Variants in RPL24 observed in about 807,000 individuals in gnomAD.
RPL24 encodes ribosomal protein L24.
RPL24 carries 7 observed loss-of-function variants against 26.4 expected under a neutral mutation model. The observed-to-expected ratio is 0.27, with a 90% CI of 0.15 to 0.50. The LOEUF (loss-of-function observed/expected upper bound fraction) is 0.50. Among genes scored for constraint, RPL24 ranks in the 20% least tolerant of loss-of-function variants. RPL24 has a pLI of 0.98. For synonymous variants in RPL24, 67 were observed against 65.2 expected, an observed-to-expected ratio of 1.03 and a Z score of -0.13; for missense variants, 109 against 194.9, an observed-to-expected ratio of 0.56 and a Z score of 2.62.
chr3:101,682,142 A>C (rs1393987736), intron 5 of RPL24: 1 of 319,006 alleles, frequency 3.1e-6, no homozygotes, highest in African/African-American at 2.1e-5. Context: ...ACCTGAGGTC[A>C]AGAGTTCAAG....
chr3:101,686,707 G>T lies in RPL24; in HGVS notation c.-31C>A. ...CAGCTCCACGGAAAGACAAAAGATG[G>T]CGAAAAGAAAGAGAGAATCATGGGA... On this transcript the variant is annotated 5_prime_UTR_variant, in exon 1 of 6. Transcript: ENST00000394077. 1 of 1,614,076 alleles carries T rather than the reference G, an allele frequency of 6.2e-7. No homozygotes were observed. Among genetic ancestry groups the T allele is most frequent in the Non-Finnish European group, 8.5e-7 (1 of 1,179,968 alleles).
At chr3:101,686,592 G>GTCTA in intron 1 of RPL24, 35 bp from the exon 2 acceptor site, 1 of 1,613,954 alleles carries the variant, frequency 6.2e-7, no homozygotes, top group Non-Finnish European at 8.5e-7. Context: ...CAGGGAGGGT[G>GTCTA]TCTACAGCCA....
intron 3 of RPL24, among the ~76,000 whole-genome samples, chr3:101,684,444 A>G (rs1937304615): frequency 6.6e-6 from 1 of 152,166 alleles, no homozygotes; most frequent in Non-Finnish European, 1.5e-5. Context: ...CTGGGATTAC[A>G]GGCATGTAAG....
chr3:101,683,913 T>C lies in RPL24; in HGVS notation c.193-1006A>G, dbSNP rs569724119. On this transcript the variant is annotated intron_variant, in intron 3 of 5. Transcript: ENST00000394077. ...TTTTAGTAGAAACCGGGTTCCACCA[T>C]GTTGCCCAGGCTGGTCTCTAACGCC... Among the ~76,000 whole-genome samples the C allele has an allele frequency of 2.3e-3, 353 of 152,248 alleles. 1 individual carries two copies. The highest frequency in any genetic ancestry group is 2.6e-3 in the Non-Finnish European group (179 of 68,006).
chr3:101,684,167 CTTTTT>C (rs930501770), intron 3 of RPL24, among the ~76,000 whole-genome samples: 3 of 138,142 alleles, frequency 2.2e-5, no homozygotes, highest in Admixed American at 7.2e-5. Context: ...CCCATTTTAA[CTTTTT>C]TTTTTTTTTT....
chr3:101,681,212 G>C lies in RPL24; in HGVS notation c.397C>G (p.Pro133Ala). The change falls in exon 6 of 6, where the codon CCT (proline) becomes GCT (alanine). Residue 133 changes from proline to alanine, a missense_variant. By Grantham distance (27) the Pro-to-Ala change is conservative. Coordinates refer to ENST00000394077, the MANE Select transcript of RPL24 (RefSeq NM_000986.4). Reference protein sequence around the residue: ...KKTAMAAAKAPTKAAPKQKIV... With the variant: ...KKTAMAAAKAATKAAPKQKIV... Reference sequence around the variant, plus strand: ...TTTTGCTTAGGTGCTGCCTTTGTAGGTGCCTGTAAAAAGATAACACAATAT... The same window carrying C: ...TTTTGCTTAGGTGCTGCCTTTGTAGCTGCCTGTAAAAAGATAACACAATAT... The C allele has an allele frequency of 6.2e-7, 1 of 1,611,988 alleles. No individual in the cohort carries two copies. Among genetic ancestry groups the C allele is most frequent in the Non-Finnish European group, 8.5e-7 (1 of 1,178,188 alleles).
chr3:101,686,176 CCTT>C, intron 2 of RPL24: 1 of 573,592 alleles, frequency 1.7e-6, no homozygotes. Context: ...GGTGGTGCGT[CCTT>C]CTGGGAAGCA....
chr3:101,681,539 T>C (rs1217232822), intron 5 of RPL24: 2 of 245,296 alleles, frequency 8.2e-6, no homozygotes, highest in Non-Finnish European at 1.6e-5. Context: ...CTCAATGTTA[T>C]CAATGTAGAT....
rs1559993824 is a variant in RPL24, at chr3:101,686,478, T to C, written c.81+4A>G. 6.2e-7 allele frequency: 1 copy of C among 1,613,636 alleles called. No individual in the cohort carries two copies. The highest frequency in any genetic ancestry group is 2.2e-5 in the East Asian group (1 of 44,884). ...AGGTAGGTGAAGCCGACGCGGCTTT[T>C]TACCTTCCCGTCGGTCCTGGCGTAG... is the stretch of plus-strand genomic sequence containing the variant. On this transcript the variant is annotated splice_donor_region_variant and intron_variant, in intron 2 of 5. Coordinates refer to ENST00000394077, the MANE Select transcript of RPL24 (RefSeq NM_000986.4).
chr3:101,681,221 A>G lies in RPL24; in HGVS notation c.394-6T>C. On this transcript the variant is annotated splice_polypyrimidine_tract_variant and splice_region_variant and intron_variant, in intron 5 of 5. Transcript: ENST00000394077. ...GGTGCTGCCTTTGTAGGTGCCTGTA[A>G]AAAGATAACACAATATTACTCCACA... The G allele has an allele frequency of 6.2e-7, 1 of 1,606,294 alleles. No homozygotes were observed. Among genetic ancestry groups the G allele is most frequent in the Non-Finnish European group, 8.5e-7 (1 of 1,172,934 alleles).
chr3:101,684,072 C>G (rs981816910), intron 3 of RPL24, among the ~76,000 whole-genome samples: 1 of 152,034 alleles, frequency 6.6e-6, no homozygotes, highest in African/African-American at 2.4e-5. Flanking sequence ...AGGTTGGTTT[C>G]AAACTCCTGG....
Position 101,681,216 on chromosome 3 carries a change from C to A in RPL24, c.394-1G>T. The stretch of plus-strand genomic sequence containing the variant: ...GCTTAGGTGCTGCCTTTGTAGGTGC[C>A]TGTAAAAAGATAACACAATATTACT... On this transcript the variant is annotated splice_acceptor_variant, in intron 5 of 5. Coordinates refer to ENST00000394077, the MANE Select transcript of RPL24 (RefSeq NM_000986.4). LOFTEE classifies it high-confidence loss of function. 1 of 1,610,674 alleles carries A rather than the reference C, an allele frequency of 6.2e-7. No homozygotes were observed. The highest frequency in any genetic ancestry group is 8.5e-7 in the Non-Finnish European group (1 of 1,177,004).
In RPL24 at chr3:101,685,892, A is replaced by G; in HGVS notation, c.118T>C (p.Phe40Leu). 1 of 1,614,068 alleles carries G rather than the reference A, an allele frequency of 6.2e-7. No homozygotes were observed. Among genetic ancestry groups the G allele is most frequent in the Non-Finnish European group, 8.5e-7 (1 of 1,179,912 alleles). Residue 40 changes from phenylalanine to leucine, a missense_variant, in exon 3 of 6, where the codon TTC becomes CTC. By Grantham distance (22) the Phe-to-Leu change is conservative. Coordinates refer to ENST00000394077, the MANE Select transcript of RPL24 (RefSeq NM_000986.4). ...TGCCGAGGATTCCTCTTGGAAAGGA[A>G]AGCCGACTCGCATTTCGCATTAAGA... ...QFLNAKCESA[F>L]LSKRNPRQIN...
rs1345576732 is a variant in RPL24, at chr3:101,681,098, A to G, written c.*37T>C. The G allele has an allele frequency of 2.7e-6, 4 of 1,458,468 alleles. No homozygotes were observed. The East Asian group carries it at 9.1e-5, about 33-fold the overall frequency. 90.3% of individuals were successfully genotyped at this position (1,458,468 alleles called of 1,614,324 possible). On this transcript the variant is annotated 3_prime_UTR_variant, in exon 6 of 6. Coordinates refer to ENST00000394077, the MANE Select transcript of RPL24 (RefSeq NM_000986.4). ...AAAAAATCCAGCACAACCTAGAGTT[A>G]TAATCCAATCTTTATTTAAAAATCT...
intron 3 of RPL24, among the ~76,000 whole-genome samples, chr3:101,684,787 A>ACC (rs1937311625): frequency 2.3e-5 from 1 of 43,268 alleles, no homozygotes; most frequent in African/African-American, 5.7e-5. Flanking sequence ...AAAAAAAAAA[A>ACC]AAAAAAAAAA....
chr3:101,684,850 A>G (rs1937315179), intron 3 of RPL24, among the ~76,000 whole-genome samples: 2 of 140,296 alleles, frequency 1.4e-5, no homozygotes, highest in South Asian at 5.1e-4. Flanking sequence ...AGCGCTGTGT[A>G]GCTATCACCA....
intron 2 of RPL24, chr3:101,686,176 C>A (rs1196697081): frequency 8.7e-6 from 5 of 573,474 alleles, no homozygotes; most frequent in Non-Finnish European, 1.6e-5. Context: ...GGTGGTGCGT[C>A]CTTCTGGGAA....
At chr3:101,682,274 G>T in intron 5 of RPL24, 155 bp downstream of exon 5, 1 of 659,882 alleles carries the variant, frequency 1.5e-6, no homozygotes, top group Non-Finnish European at 2.8e-6. Context: ...GCTGAGGCAG[G>T]AGTATCACTT....
chr3:101,684,273 C>A (rs1937301247), intron 3 of RPL24, among the ~76,000 whole-genome samples: 1 of 151,830 alleles, frequency 6.6e-6, no homozygotes, highest in African/African-American at 2.4e-5. Flanking sequence ...TCAAGCTATT[C>A]TCCTGCCTCA....
Sources: allele counts gnomAD v4.1 joint callset (sites outside exome capture counted in the v4.1 genomes callset), GRCh38; gene constraint gnomAD v4.1.1; transcripts MANE v1.5; gene names NCBI Gene and HGNC (gene_info 2026-07-23, HGNC 2026-07-21).